Variants in SLC3A2 observed in about 807,000 individuals in gnomAD.
SLC3A2 encodes the protein amino acid transporter heavy chain SLC3A2.
Under a neutral mutation model 48.5 loss-of-function variants are expected in SLC3A2, and 32 were observed. The observed-to-expected ratio is 0.66, with a 90% CI of 0.50 to 0.89. SLC3A2 has a LOEUF of 0.89. Among genes scored for constraint, SLC3A2 ranks in the 40% least tolerant of loss-of-function variants. SLC3A2 has a pLI of 0.00. For synonymous variants in SLC3A2, 277 were observed against 288.8 expected, an observed-to-expected ratio of 0.96 and a Z score of 0.41; for missense variants, 587 against 680.7, an observed-to-expected ratio of 0.86 and a Z score of 1.53.
chr11:62,859,981 A>G (rs547347799), intron 1 of SLC3A2, among the ~76,000 whole-genome samples: 1 of 152,288 alleles, frequency 6.6e-6, no homozygotes, highest in East Asian at 1.9e-4. Context: ...GAGGACCCGC[A>G]CCAGCACTGG....
chr11:62,884,009 GGGGGATCTTGACT>G (rs1457721569), intron 3 of SLC3A2: 2 of 457,312 alleles, frequency 4.4e-6, no homozygotes, highest in Non-Finnish European at 8.8e-6. Context: ...ACTGGGAGAG[GGGGGATCTTGACT>G]GACATTTTAG....
At chr11:62,872,420 T>C (rs183517630) in intron 1 of SLC3A2, among the ~76,000 whole-genome samples, 11 of 152,062 alleles carry the variant, frequency 7.2e-5, no homozygotes, top group African/African-American at 2.4e-4. Flanking sequence ...GAGGCTGAGG[T>C]GGGAGGATTG....
chr11:62,866,901 A>G (rs1180918506), intron 1 of SLC3A2, among the ~76,000 whole-genome samples: 1 of 152,204 alleles, frequency 6.6e-6, no homozygotes, highest in Non-Finnish European at 1.5e-5. Context: ...GGCAGATGTC[A>G]GTTAAAATTC....
chr11:62,869,309 G>A (rs1293273147), intron 1 of SLC3A2, among the ~76,000 whole-genome samples: 1 of 151,818 alleles, frequency 6.6e-6, no homozygotes, highest in Non-Finnish European at 1.5e-5. Context: ...CGGATCACAA[G>A]GTCAGGAGAT....
chr11:62,871,279 C>A (rs1310672726), intron 1 of SLC3A2, among the ~76,000 whole-genome samples: 1 of 148,518 alleles, frequency 6.7e-6, no homozygotes, highest in Non-Finnish European at 1.5e-5. Context: ...TGCTCTGTTG[C>A]CCAGGCTGCA....
intron 1 of SLC3A2, among the ~76,000 whole-genome samples, chr11:62,867,952 A>G (rs997526840): frequency 1.3e-5 from 2 of 149,088 alleles, no homozygotes; most frequent in East Asian, 4.0e-4. Context: ...AGACAGTCTC[A>G]CTCTTGTCGC....
intron 1 of SLC3A2, among the ~76,000 whole-genome samples, chr11:62,861,771 C>A (rs1444661006): frequency 6.6e-6 from 1 of 151,930 alleles, no homozygotes; most frequent in East Asian, 1.9e-4. Context: ...CAAAATCAGC[C>A]AGGCGTGGTG....
In SLC3A2 at chr11:62,885,645, T is replaced by TAC. The variant is rs552382053; in HGVS notation, c.1143+37_1143+38insAC. 3,711 of 1,609,104 alleles carry TAC rather than the reference T, an allele frequency of 2.3e-3. 10 individuals carry two copies. Among genetic ancestry groups the TAC allele is most frequent in the Middle Eastern group, 0.016 (98 of 6,046 alleles). On this transcript the variant is annotated intron_variant, in intron 7 of 8. Coordinates refer to ENST00000338663, the MANE Select transcript of SLC3A2 (RefSeq NM_001013251.3). ...TGTCTTTCTGTCACAGGGAGGTTGT[T>TAC]TATCCATCTTACAATGATGATTCTG...
chr11:62,886,205 G>C (rs1334118810), intron 7 of SLC3A2, among the ~76,000 whole-genome samples: 2 of 151,956 alleles, frequency 1.3e-5, no homozygotes, highest in African/African-American at 4.8e-5. Context: ...CAAGAGAATC[G>C]CTTGAACCTG....
intron 7 of SLC3A2, among the ~76,000 whole-genome samples, chr11:62,886,755 C>T (rs964021505): frequency 6.6e-6 from 1 of 152,098 alleles, no homozygotes; most frequent in Non-Finnish European, 1.5e-5. Context: ...TACAGGCACA[C>T]ACCACCATGC....
At chr11:62,874,557 C>T (rs966628790) in intron 1 of SLC3A2, among the ~76,000 whole-genome samples, 2 of 152,052 alleles carry the variant, frequency 1.3e-5, no homozygotes, top group Admixed American at 6.6e-5. Context: ...CATTCTTCAC[C>T]CTTTAGTAAG....
In SLC3A2 at chr11:62,881,361, C is replaced by G. The variant is rs2085635917; in HGVS notation, c.338C>G (p.Pro113Arg). 1 of 1,597,050 alleles carries G rather than the reference C, an allele frequency of 6.3e-7. No homozygotes were observed. The highest frequency in any genetic ancestry group is 8.5e-7 in the Non-Finnish European group (1 of 1,176,666). ...IVRAPRCREL[P>R]AQKWWHTGAL... is the part of the protein sequence containing the mutation. ...CGAGCGCCGCGTTGTCGCGAGCTAC[C>G]GGCGCAGAAGTGGTGGCACACGGGC... Residue 113 changes from proline to arginine, a missense_variant, in exon 1 of 9, where the codon CCG (proline) becomes CGG (arginine). Coordinates refer to ENST00000338663, the MANE Select transcript of SLC3A2 (RefSeq NM_001013251.3). This position sits in a 1 kb window ranked among gnomAD's most constrained non-coding sequence, Gnocchi z 4.0.
intron 1 of SLC3A2, chr11:62,870,976 C>T (rs1184451372): frequency 6.4e-6 from 1 of 155,984 alleles, no homozygotes; most frequent in Admixed American, 6.7e-5. Context: ...CTCCTGGGTT[C>T]AAGGTTCAGG....
At chr11:62,872,287 G>A (rs896440227) in intron 1 of SLC3A2, among the ~76,000 whole-genome samples, 2 of 152,190 alleles carry the variant, frequency 1.3e-5, no homozygotes, top group East Asian at 1.9e-4. Context: ...ACTTTGGGAG[G>A]CAGATCACTT....
In SLC3A2 at chr11:62,881,517, T is replaced by A; in HGVS notation, c.424+70T>A. On this transcript the variant is annotated intron_variant, in intron 1 of 8. Transcript: ENST00000338663. This position sits in a 1 kb window ranked among gnomAD's most constrained non-coding sequence, Gnocchi z 4.0. ...GGTGGCTTGCACCGACCCCCTCCCC[T>A]GTCCCCAGACGGATCTAGATGGTTC... 4.0e-6 allele frequency: 6 copies of A among 1,486,340 alleles called. No individual in the cohort carries two copies. Among genetic ancestry groups the A allele is most frequent in the African/African-American group, 2.8e-5 (2 of 71,922 alleles). 92.1% of individuals were successfully genotyped at this position (1,486,340 alleles called of 1,614,324 possible).
At chr11:62,876,876 A>G, upstream of SLC3A2, 1 of 1,047,098 alleles carries the variant, frequency 9.6e-7, no homozygotes. Context: ...TGCTGGGATT[A>G]CAGGTGAGCC....
intron 1 of SLC3A2, among the ~76,000 whole-genome samples, chr11:62,862,513 C>G (rs906530490): frequency 6.6e-6 from 1 of 151,812 alleles, no homozygotes; most frequent in South Asian, 2.1e-4. Flanking sequence ...CCCTTCCTCC[C>G]TATCGCCACC....
intron 5 of SLC3A2, 123 bp downstream of exon 5, chr11:62,884,813 C>CTTTTTTTTTTTTTTTTTTTTTTT (rs541507991): frequency 7.1e-5 from 4 of 56,012 alleles, no homozygotes; most frequent in East Asian, 5.9e-4. Flanking sequence ...CTTTCTTTAG[C>CTTTTTTTTTTTTTTTTTTTTTTT]TTTTTTTTTT....
At chr11:62,861,097 T>C (rs1294016301) in intron 1 of SLC3A2, among the ~76,000 whole-genome samples, 1 of 152,038 alleles carries the variant, frequency 6.6e-6, no homozygotes. Flanking sequence ...CCCAGCACTT[T>C]GGGAGGCCAA....
Sources: gnomAD v4.1 joint callset for allele counts (sites outside exome capture counted in the v4.1 genomes callset) on GRCh38, gnomAD v4.1.1 for gene constraint, Gnocchi (gnomAD v3.1) non-coding constraint, MANE v1.5 for transcripts, NCBI Gene and HGNC (gene_info 2026-07-23, HGNC 2026-07-21) for gene names.